KIFC3: variants seen among roughly 807,000 people sequenced by gnomAD.
KIFC3 encodes kinesin-like protein KIFC3.
A neutral mutation model predicts 101.8 loss-of-function variants in KIFC3; 60 were observed. The observed-to-expected ratio is 0.59, with a 90% CI of 0.48 to 0.73. The LOEUF (loss-of-function observed/expected upper bound fraction) is 0.73, where lower values mean the gene tolerates loss of function less well. KIFC3 is among the 30% of genes least tolerant of loss of function. The pLI is 0.00. For synonymous variants in KIFC3, 476 were observed against 482.7 expected (o/e 0.99, Z 0.18); for missense variants, 966 against 1,137.1 (o/e 0.85, Z 2.16).
chr16:57,829,093 C>T (rs997466477), intron 1 of KIFC3, among the ~76,000 whole-genome samples: 7 of 152,034 alleles, frequency 4.6e-5, no homozygotes, highest in African/African-American at 1.4e-4. Context: ...CCCATAAAAA[C>T]GTTTTAATTT....
At chr16:57,780,287 G>A (rs574981059) in intron 3 of KIFC3, among the ~76,000 whole-genome samples, 1 of 152,284 alleles carries the variant, frequency 6.6e-6, no homozygotes, top group East Asian at 1.9e-4. Flanking sequence ...TAAGCAGGTG[G>A]ATCACCTGAG....
chr16:57,802,074 G>A lies in KIFC3; in HGVS notation c.-40+296C>T, dbSNP rs1390426698. ...CCGATTGACAAGCCCATCCCGGGTA[G>A]GGTCTGCGCTCTTCTCGTTCAATAA... On this transcript the variant is annotated intron_variant, in intron 1 of 19. Coordinates refer to ENST00000445690, the MANE Select transcript of KIFC3 (RefSeq NM_001130100.2). This position sits in a 1 kb window ranked among gnomAD's most constrained non-coding sequence, Gnocchi z 5.0. Among the ~76,000 whole-genome samples the A allele has an allele frequency of 6.6e-6, 1 of 152,252 alleles. No homozygotes were observed. The highest frequency in any genetic ancestry group is 2.4e-5 in the African/African-American group (1 of 41,480).
chr16:57,786,241 C>G lies in KIFC3; in HGVS notation c.315+8758G>C, dbSNP rs535398802. On this transcript the variant is annotated intron_variant, in intron 3 of 19. Coordinates refer to ENST00000445690, the MANE Select transcript of KIFC3 (RefSeq NM_001130100.2). ...GAGCAAGAACTCAGCCAGCCGGCAC[C>G]TAGCAAGGATGAAGCGCAGGAACCT... 2.7e-4 allele frequency among the ~76,000 whole-genome samples: 41 copies of G among 152,248 alleles called. No individual in the cohort carries two copies. In the South Asian group the frequency reaches 7.7e-3, roughly 29 times the overall value.
At chr16:57,826,553 GTTCT>G (rs2149286325) in intron 1 of KIFC3, among the ~76,000 whole-genome samples, 1 of 152,246 alleles carries the variant, frequency 6.6e-6, no homozygotes, top group South Asian at 2.1e-4. Context: ...TAAAATACCA[GTTCT>G]TTCTCGAGAA....
chr16:57,846,039 C>T (rs2055910684), intron 1 of KIFC3, among the ~76,000 whole-genome samples: 1 of 152,188 alleles, frequency 6.6e-6, no homozygotes, highest in Non-Finnish European at 1.5e-5. Context: ...TTCCCTGCCC[C>T]TCAGGAGATG....
intron 4 of KIFC3, among the ~76,000 whole-genome samples, chr16:57,771,981 AT>A (rs2051289305): frequency 6.6e-6 from 1 of 152,114 alleles, no homozygotes; most frequent in Admixed American, 6.5e-5. Context: ...GGAGAGACAT[AT>A]TTATACCAGG....
At chr16:57,789,272 A>T (rs2053640075) in intron 3 of KIFC3, among the ~76,000 whole-genome samples, 2 of 152,230 alleles carry the variant, frequency 1.3e-5, no homozygotes, top group Admixed American at 1.3e-4. Context: ...GGCTATCGAG[A>T]GGCCATGGGA....
At chr16:57,853,978 G>A (rs2056111812) in intron 1 of KIFC3, among the ~76,000 whole-genome samples, 1 of 151,938 alleles carries the variant, frequency 6.6e-6, no homozygotes, top group Admixed American at 6.6e-5. Flanking sequence ...GTCTCGTTCT[G>A]CCACCCAGGC....
rs1272349333 is a variant in KIFC3 at position 57,860,030 on chromosome 16, A to AATAAAATAAAATAAT, written c.108+2698_108+2699insATTATTTTATTTTAT. On this transcript the variant is annotated intron_variant, in intron 1 of 2. Transcript: ENST00000563028. ...GAGTGAGACTCTGTCTCAAAAATAA[A>AATAAAATAAAATAAT]ATAAAATAAAATAAAATAAAATAAA... Among the ~76,000 whole-genome samples, 127 of 75,422 alleles carry AATAAAATAAAATAAT rather than the reference A, an allele frequency of 1.7e-3. 3 individuals carry two copies. Among genetic ancestry groups the AATAAAATAAAATAAT allele is most frequent in the Middle Eastern group, 0.015 (3 of 202 alleles). 49.5% of individuals were successfully genotyped at this position (75,422 alleles called of 152,430 possible). A position where few individuals can be genotyped will look rare whatever the true frequency, so the allele number is the denominator to read the frequency against.
At chr16:57,771,710 G>A (rs201366175) in intron 4 of KIFC3, 24 bp from the exon 5 acceptor site, 10 of 1,600,724 alleles carry the variant, frequency 6.2e-6, no homozygotes, top group African/African-American at 2.7e-5. Context: ...GGGCCGAGGG[G>A]GCGCATGTGG....
At chr16:57,832,291 G>A (rs961669458) in intron 1 of KIFC3, among the ~76,000 whole-genome samples, 3 of 144,912 alleles carry the variant, frequency 2.1e-5, no homozygotes, top group African/African-American at 7.7e-5. Flanking sequence ...AGAGTGCTGG[G>A]ATTACAGCCA....
intron 3 of KIFC3, chr16:57,790,903 C>T: frequency 1.0e-6 from 1 of 985,282 alleles, no homozygotes; most frequent in Non-Finnish European, 1.2e-6. Context: ...CAGAGCTCCA[C>T]TTGAGAAGGG....
chr16:57,854,468 A>T (rs2056122951), intron 1 of KIFC3, among the ~76,000 whole-genome samples: 1 of 151,962 alleles, frequency 6.6e-6, no homozygotes, highest in South Asian at 2.1e-4. Context: ...TCTCTACTAA[A>T]AATACAAAAA....
chr16:57,769,516 G>A lies in KIFC3; in HGVS notation c.1218+79C>T. The A allele has an allele frequency of 6.6e-7, 1 of 1,524,454 alleles. No homozygotes were observed. Among genetic ancestry groups the A allele is most frequent in the East Asian group, 2.3e-5 (1 of 44,168 alleles). 94.4% of individuals were successfully genotyped at this position (1,524,454 alleles called of 1,614,324 possible). The stretch of plus-strand genomic sequence containing the variant: ...TGAGCGGCTTTGTCTGAGCTTTGGA[G>A]GGACGCCCTGAGTGGATGTCGTGCC... On this transcript the variant is annotated intron_variant, in intron 9 of 19. Coordinates refer to ENST00000445690, the MANE Select transcript of KIFC3 (RefSeq NM_001130100.2). The surrounding 1 kb of genome is among the most constrained non-coding windows in gnomAD (Gnocchi z 4.3).
In KIFC3 at chr16:57,781,912, A is replaced by G. The variant is rs2052781798; in HGVS notation, c.316-9624T>C. On this transcript the variant is annotated intron_variant, in intron 3 of 19. Coordinates refer to ENST00000445690, the MANE Select transcript of KIFC3 (RefSeq NM_001130100.2). ...TCTGGCTGACCCTTGCAGAACCCTC[A>G]CCCTTAACCATGGGGCCACACAGCC... The G allele has an allele frequency of 4.1e-6, 4 of 984,622 alleles. No individual in the cohort carries two copies. The South Asian group carries it at 1.9e-4, about 46-fold the overall frequency. 61.0% of individuals were successfully genotyped at this position (984,622 alleles called of 1,614,324 possible). A position where few individuals can be genotyped will look rare whatever the true frequency, so the allele number is the denominator to read the frequency against.
At chr16:57,828,612 C>T (rs78116702) in intron 1 of KIFC3, among the ~76,000 whole-genome samples, 1 of 152,200 alleles carries the variant, frequency 6.6e-6, no homozygotes, top group East Asian at 1.9e-4. Flanking sequence ...CCTGATGGAT[C>T]CCGTCTCTGG....
chr16:57,840,111 G>A (rs1480284945), intron 1 of KIFC3, among the ~76,000 whole-genome samples: 1 of 152,096 alleles, frequency 6.6e-6, no homozygotes, highest in African/African-American at 2.4e-5. Context: ...GCCAAGGTAG[G>A]CGGATCACCT....
chr16:57,769,695 G>A lies in KIFC3; in HGVS notation c.1118C>T (p.Pro373Leu), dbSNP rs782714278. The change falls in exon 9 of 20, where the codon CCG becomes CTG. Residue 373 changes from proline (P) to leucine (L), a missense_variant. Pro to Leu is a moderately conservative substitution (Grantham distance 98). This residue lies in a region of KIFC3 where 689 missense variants were observed against 884.6 expected (regional missense o/e 0.78). Transcript: ENST00000445690. This position sits in a 1 kb window ranked among gnomAD's most constrained non-coding sequence, Gnocchi z 4.3. ...GTCGTTGGTGAGGGTCCGCAGTGCCGGCTGCAAGGTCAGCAAGTTGGTCCG... is the reference window on the plus strand; with the variant it reads ...GTCGTTGGTGAGGGTCCGCAGTGCCAGCTGCAAGGTCAGCAAGTTGGTCCG... ...GVRTNLLTLQ[P>L]ALRTLTNDYN... is the part of the protein sequence containing the mutation. 9 of 1,612,790 alleles carry A rather than the reference G, an allele frequency of 5.6e-6. No individual in the cohort carries two copies. The highest frequency in any genetic ancestry group is 3.3e-5 in the Admixed American group (2 of 60,010).
chr16:57,784,426 A>AC (rs1299808910), intron 3 of KIFC3, among the ~76,000 whole-genome samples: 1 of 152,242 alleles, frequency 6.6e-6, no homozygotes, highest in Non-Finnish European at 1.5e-5. Context: ...AGAAGAGGAC[A>AC]CACCTGTAAG....
Sources: gnomAD v4.1 joint callset for allele counts (sites outside exome capture counted in the v4.1 genomes callset) on GRCh38, gnomAD v4.1.1 for gene constraint, gnomAD v4.1.1 regional missense constraint, Gnocchi (gnomAD v3.1) non-coding constraint, MANE v1.5 for transcripts, NCBI Gene and HGNC (gene_info 2026-07-23, HGNC 2026-07-21) for gene names.